Variants in SLC40A1 observed in about 807,000 individuals in gnomAD.
SLC40A1 encodes solute carrier family 40 member 1.
A neutral mutation model predicts 53.5 loss-of-function variants in SLC40A1; 16 were observed. That is an observed-to-expected ratio of 0.30 (90% CI 0.20 to 0.45). The LOEUF is 0.45. Ranked by LOEUF, SLC40A1 falls within the 20% of genes least tolerant of loss-of-function variation. The pLI is 1.00. For synonymous variants in SLC40A1, 247 were observed against 253.2 expected (o/e 0.98, Z 0.23); for missense variants, 545 against 695.4 (o/e 0.78, Z 2.43).
intron 3 of SLC40A1, among the ~76,000 whole-genome samples, chr2:189,573,549 T>C (rs577553233): frequency 2.6e-5 from 4 of 152,304 alleles, no homozygotes; most frequent in South Asian, 2.1e-4. Context: ...GGCGCCCATA[T>C]AGATAAAGCA....
intron 7 of SLC40A1, 126 bp downstream of exon 7, chr2:189,563,458 C>T (rs957634591): frequency 8.1e-6 from 6 of 738,918 alleles, no homozygotes; most frequent in Non-Finnish European, 1.1e-5. Flanking sequence ...ATAAAAATTT[C>T]GTAAGAGTGG....
At chr2:189,566,248 C>A (rs1358137710) in intron 5 of SLC40A1, among the ~76,000 whole-genome samples, 7 of 152,164 alleles carry the variant, frequency 4.6e-5, no homozygotes, top group Non-Finnish European at 1.0e-4. Flanking sequence ...AAGAGAGATT[C>A]TGGAGACCTC....
rs139563406 is a variant in SLC40A1 at position 189,566,203 on chromosome 2, C to T, written c.515-604G>A. Among the ~76,000 whole-genome samples the T allele has an allele frequency of 5.0e-3, 768 of 152,198 alleles. 3 individuals are homozygous for T. The highest frequency in any genetic ancestry group is 0.034 in the Middle Eastern group (10 of 294). On this transcript the variant is annotated intron_variant, in intron 5 of 7. Transcript: ENST00000261024. ...ACTGAAAAAAAGAGCATCACAGCAA[C>T]GAGAAGCACTGAAAAGAAACACTAG...
rs560312863 is a variant in SLC40A1, at chr2:189,564,210, G to T, written c.776C>A (p.Pro259His). 126 of 1,614,010 alleles carry T rather than the reference G, an allele frequency of 7.8e-5. No individual in the cohort carries two copies. The South Asian group carries it at 1.1e-3, about 14-fold the overall frequency. Reference sequence around the variant, plus strand: ...ACCCATTAGATGAGTTCCCTCCAGGGGTTTTGGCTCAGTATCTGTTAAGAA... The same window carrying T: ...ACCCATTAGATGAGTTCCCTCCAGGTGTTTTGGCTCAGTATCTGTTAAGAA... The part of the protein sequence containing the change: ...LNLHKDTEPK[P>H]LEGTHLMGVK... The change falls in exon 7 of 8, where the codon CCC becomes CAC. Residue 259 changes from proline to histidine, a missense_variant. By Grantham distance (77) the Pro-to-His change is moderately conservative. Transcript: ENST00000261024.
At chr2:189,576,359 G>T (rs559245584) in intron 2 of SLC40A1, among the ~76,000 whole-genome samples, 2 of 152,132 alleles carry the variant, frequency 1.3e-5, no homozygotes, top group Non-Finnish European at 2.9e-5. Context: ...CCATGTATTA[G>T]AAGCAAATAC....
In SLC40A1 at chr2:189,561,731, AG is replaced by A; in HGVS notation, c.*146del. On this transcript the variant is annotated 3_prime_UTR_variant, in exon 8 of 8. Coordinates refer to ENST00000261024, the MANE Select transcript of SLC40A1 (RefSeq NM_014585.6). The stretch of plus-strand genomic sequence containing the variant: ...TTAATCAGTTAATTTCTGCTGACTT[AG>A]GTTTCCTAAACAGCTTTTAGTTCTC... The A allele has an allele frequency of 1.5e-6, 1 of 686,594 alleles. No homozygotes were observed. Among genetic ancestry groups the A allele is most frequent in the South Asian group, 1.8e-5 (1 of 56,590 alleles). The allele number at this position is 686,594 out of a possible 1,614,324, so 42.5% of individuals were successfully genotyped here. A position where few individuals can be genotyped will look rare whatever the true frequency, so the allele number is the denominator to read the frequency against.
At chr2:189,567,855 C>T (rs1255919372) in intron 5 of SLC40A1, among the ~76,000 whole-genome samples, 1 of 152,144 alleles carries the variant, frequency 6.6e-6, no homozygotes, top group Non-Finnish European at 1.5e-5. Context: ...CTACCATCTG[C>T]CTCCCACTAA....
At chr2:189,570,862 G>A (rs1361072786) in intron 5 of SLC40A1, among the ~76,000 whole-genome samples, 1 of 152,122 alleles carries the variant, frequency 6.6e-6, no homozygotes, top group Non-Finnish European at 1.5e-5. Flanking sequence ...TGTCTGTCAG[G>A]ACAGTTGGGC....
At chr2:189,568,977 T>G (rs2031038118) in intron 5 of SLC40A1, among the ~76,000 whole-genome samples, 1 of 152,224 alleles carries the variant, frequency 6.6e-6, no homozygotes, top group African/African-American at 2.4e-5. Flanking sequence ...CACAAGAGAA[T>G]GTTATCATAA....
Position 189,563,647 on chromosome 2 carries a change from G to A in SLC40A1, c.1339C>T (p.Pro447Ser), listed in dbSNP as rs2030828007. 3 of 1,614,032 alleles carry A rather than the reference G, an allele frequency of 1.9e-6. No homozygotes were observed. Among genetic ancestry groups the A allele is most frequent in the Admixed American group, 3.3e-5 (2 of 60,000 alleles). Residue 447 changes from proline (P) to serine (S), a missense_variant, in exon 7 of 8, where the codon CCT (proline) becomes TCT (serine). By Grantham distance (74) the Pro-to-Ser change is moderately conservative. Transcript: ENST00000261024. ...ACAGAGATTATGGGCACAGATTCAG[G>A]ACTTGTCTCCGGGACAATATTAGCA... ...NSANIVPETS[P>S]ESVPIISVSL...
intron 2 of SLC40A1, among the ~76,000 whole-genome samples, chr2:189,578,917 TAA>T (rs2031376592): frequency 6.6e-6 from 1 of 152,348 alleles, no homozygotes. Flanking sequence ...TGATCCAATA[TAA>T]GTTTCCAATT....
Position 189,571,741 on chromosome 2 carries a change from GCAA to G in SLC40A1, c.485_487del (p.Val162del), listed in dbSNP as rs878854984. ...TGCTAGTTTGCTTCTGTCTTCTCCT[GCAA>G]CAACAACAATCCAATCCCTTTGGAT... On this transcript the variant is annotated inframe_deletion, in exon 5 of 8. Coordinates refer to ENST00000261024, the MANE Select transcript of SLC40A1 (RefSeq NM_014585.6). 6.2e-7 allele frequency: 1 copy of G among 1,612,686 alleles called. No individual in the cohort carries two copies. The highest frequency in any genetic ancestry group is 8.5e-7 in the Non-Finnish European group (1 of 1,178,858).
chr2:189,562,720 C>T (rs2030784720), intron 7 of SLC40A1, among the ~76,000 whole-genome samples: 1 of 152,092 alleles, frequency 6.6e-6, no homozygotes, highest in South Asian at 2.1e-4. Context: ...AGACTGAATT[C>T]AGAGATAATT....
chr2:189,571,618 C>A, intron 5 of SLC40A1, 97 bp downstream of exon 5: 5 of 1,535,690 alleles, frequency 3.3e-6, no homozygotes, highest in South Asian at 1.2e-5. Flanking sequence ...TAAAAAATAC[C>A]CAGAACAAAA....
intron 2 of SLC40A1, 70 bp from the exon 3 acceptor site, chr2:189,575,390 C>T: frequency 6.5e-7 from 1 of 1,541,822 alleles, no homozygotes; most frequent in South Asian, 1.1e-5. Context: ...CAGGAAGTTG[C>T]TTCCTTATCA....
chr2:189,573,808 C>T (rs2031208481), intron 3 of SLC40A1, among the ~76,000 whole-genome samples: 1 of 152,164 alleles, frequency 6.6e-6, no homozygotes, highest in South Asian at 2.1e-4. Context: ...TAATATAGTT[C>T]ATCCTTGCTT....
rs565457508 is a variant in SLC40A1, at chr2:189,569,258, T to C, written c.514+2457A>G. ...GATGAGGAAATGGGAGCAATCAGCA[T>C]CCAGCTCAAAACTTTTACTTTTCAT... On this transcript the variant is annotated intron_variant, in intron 5 of 7. Transcript: ENST00000261024. Among the ~76,000 whole-genome samples the C allele has an allele frequency of 1.3e-3, 203 of 152,344 alleles. 1 individual carries two copies. Among genetic ancestry groups the C allele is most frequent in the Non-Finnish European group, 2.1e-3 (142 of 68,026 alleles).
chr2:189,580,476 C>T lies in SLC40A1; in HGVS notation c.-16G>A, dbSNP rs1488423530. 5 of 1,613,178 alleles carry T rather than the reference C, an allele frequency of 3.1e-6. No homozygotes were observed. In the African/African-American group the frequency reaches 5.3e-5, roughly 17 times the overall value. ...CCCTGGTCATGACACTAGGCGACCCCGCTGGCTCTTCTGCGGCTGCTATCG... is the reference window on the plus strand; with the variant it reads ...CCCTGGTCATGACACTAGGCGACCCTGCTGGCTCTTCTGCGGCTGCTATCG... On this transcript the variant is annotated 5_prime_UTR_variant, in exon 1 of 8. Coordinates refer to ENST00000261024, the MANE Select transcript of SLC40A1 (RefSeq NM_014585.6).
intron 3 of SLC40A1, among the ~76,000 whole-genome samples, chr2:189,573,213 A>G (rs2031185707): frequency 6.6e-6 from 1 of 152,238 alleles, no homozygotes. Flanking sequence ...GAAGTCTATC[A>G]TAATGACTAC....
Sources: allele counts gnomAD v4.1 joint callset (sites outside exome capture counted in the v4.1 genomes callset), GRCh38; gene constraint gnomAD v4.1.1; transcripts MANE v1.5; gene names NCBI Gene and HGNC (gene_info 2026-07-23, HGNC 2026-07-21).